The following DNAH7 variants were observed in gnomAD, a reference collection of about 807,000 sequenced individuals.
DNAH7 encodes the protein axonemal beta dynein heavy chain 7.
A neutral mutation model predicts 444.6 loss-of-function variants in DNAH7; 397 were observed. The observed-to-expected ratio is 0.89, with a 90% confidence interval of 0.82 to 0.97. DNAH7 has a LOEUF of 0.97. Among genes scored for constraint, DNAH7 ranks in the 50% least tolerant of loss-of-function variants. DNAH7 has a pLI of 0.00. For synonymous variants in DNAH7, 1,636 were observed against 1,624.4 expected (o/e 1.01, Z -0.17); for missense variants, 4,902 against 4,800.8 (o/e 1.02, Z -0.62).
chr2:195,805,874 C>T (rs1373570480), intron 54 of DNAH7, among the ~76,000 whole-genome samples: 2 of 152,074 alleles, frequency 1.3e-5, no homozygotes, highest in African/African-American at 2.4e-5. Context: ...GGGAAAAATG[C>T]CCCTAACCCA....
At chr2:195,919,247 A>AAG (rs1553562611) in intron 24 of DNAH7, among the ~76,000 whole-genome samples, 1 of 151,920 alleles carries the variant, frequency 6.6e-6, no homozygotes, top group Admixed American at 6.6e-5. Flanking sequence ...AAAAAAAAAA[A>AAG]AAAAAGATGT....
intron 38 of DNAH7, among the ~76,000 whole-genome samples, chr2:195,874,944 G>C (rs1245440725): frequency 6.6e-6 from 1 of 152,178 alleles, no homozygotes; most frequent in Non-Finnish European, 1.5e-5. Flanking sequence ...ATACCGGAGA[G>C]ATTCCCTGAA....
intron 5 of DNAH7, among the ~76,000 whole-genome samples, chr2:196,035,675 T>C (rs974381883): frequency 5.9e-5 from 9 of 152,176 alleles, no homozygotes; most frequent in Non-Finnish European, 1.2e-4. Flanking sequence ...ATGGAAAACT[T>C]AAGATGGCAA....
chr2:196,031,390 A>G (rs1361513788), intron 5 of DNAH7, among the ~76,000 whole-genome samples: 1 of 152,218 alleles, frequency 6.6e-6, no homozygotes, highest in East Asian at 1.9e-4. Flanking sequence ...AAGACCTCTG[A>G]CATGCCCTGG....
At chr2:196,029,861 A>AT (rs145685407) in intron 5 of DNAH7, among the ~76,000 whole-genome samples, 14,419 of 151,748 alleles carry the variant, frequency 0.095, 1,304 homozygotes, top group African/African-American at 0.24. Context: ...AACTATATTT[A>AT]TTTTTTTTTC....
At position 195,955,906 on chromosome 2, in the gene DNAH7, CAT is replaced by C. The variant is rs998040460; in HGVS notation, c.3078+1353_3078+1354del. Among the ~76,000 whole-genome samples the C allele has an allele frequency of 9.9e-5, 15 of 152,056 alleles. 2 individuals carry two copies. The South Asian group carries it at 2.3e-3, about 23-fold the overall frequency. On this transcript the variant is annotated intron_variant, in intron 19 of 64. Transcript: ENST00000312428. ...TATATATAAAAGACTGAATTTATGACATAAATTAATTAGAGATGATTGTGTTA... is the reference window on the plus strand; with the variant it reads ...TATATATAAAAGACTGAATTTATGACAAATTAATTAGAGATGATTGTGTTA...
chr2:196,008,872 A>T (rs1016001389), intron 10 of DNAH7, among the ~76,000 whole-genome samples: 1 of 152,222 alleles, frequency 6.6e-6, no homozygotes, highest in African/African-American at 2.4e-5. Flanking sequence ...GGGACTGGGT[A>T]ATTTATAAAG....
intron 61 of DNAH7, among the ~76,000 whole-genome samples, chr2:195,762,707 C>T (rs1267836008): frequency 6.6e-6 from 1 of 152,130 alleles, no homozygotes; most frequent in Non-Finnish European, 1.5e-5. Flanking sequence ...ATGCACCCAA[C>T]ACTGGAAAAC....
chr2:195,796,460 A>T, intron 56 of DNAH7, 116 bp downstream of exon 56: 1 of 1,235,826 alleles, frequency 8.1e-7, no homozygotes, highest in Non-Finnish European at 1.1e-6. Flanking sequence ...CAATCCAGCC[A>T]AAGCACTAAC....
At position 195,864,904 on chromosome 2, in the gene DNAH7, G is replaced by T; in HGVS notation, c.6751C>A (p.Arg2251Ser). 6.2e-7 allele frequency: 1 copy of T among 1,613,324 alleles called. No individual in the cohort carries two copies. Among genetic ancestry groups the T allele is most frequent in the Non-Finnish European group, 8.5e-7 (1 of 1,180,014 alleles). ...MYEDFHELFQRLDFDNDGMVE... is the reference protein window; with the variant it reads ...MYEDFHELFQSLDFDNDGMVE... ...ATGCCATCATTATCAAAATCCAAAC[G>T]CTGAAAAAGCTCATGAAAATCTTCA... is the stretch of plus-strand genomic sequence containing the variant. Residue 2251 changes from arginine (R) to serine (S), a missense_variant, in exon 41 of 65, where the codon CGT becomes AGT. Arg to Ser is a moderately radical substitution (Grantham distance 110). Transcript: ENST00000312428.
chr2:195,766,191 T>TTTTTTTTTTTTTTTTTTTTTTTTTTA (rs1491573632), intron 61 of DNAH7, among the ~76,000 whole-genome samples: 1 of 136,008 alleles, frequency 7.4e-6, no homozygotes, highest in Non-Finnish European at 1.6e-5. Context: ...TTTTTTTTTT[T>TTTTTTTTTTTTTTTTTTTTTTTTTTA]GAGACAGAGT....
At chr2:195,885,344 G>A (rs1190214186) in intron 34 of DNAH7, among the ~76,000 whole-genome samples, 1 of 152,108 alleles carries the variant, frequency 6.6e-6, no homozygotes, top group East Asian at 1.9e-4. Flanking sequence ...CAGAGTAGAA[G>A]ACAAGACCTA....
chr2:195,881,898 A>G lies in DNAH7; in HGVS notation c.5858T>C (p.Leu1953Pro). 6.2e-7 allele frequency: 1 copy of G among 1,614,064 alleles called. No individual in the cohort carries two copies. The highest frequency in any genetic ancestry group is 8.5e-7 in the Non-Finnish European group (1 of 1,179,934). The stretch of plus-strand genomic sequence containing the variant: ...TAATGCAGAGTATCGAATTGTGTCC[A>G]GAGTTGGCACAATGATTTCATTAAA... ...VMFNEIIVPT[L>P]DTIRYSALME... The change falls in exon 36 of 65, where the codon CTG (leucine) becomes CCG (proline). Residue 1953 changes from leucine (L) to proline (P), a missense_variant. Physicochemically the swap from Leu to Pro is moderately conservative, Grantham distance 98. Transcript: ENST00000312428.
At chr2:196,068,362 A>C (rs1044788884) in intron 1 of DNAH7, 5 of 385,062 alleles carry the variant, frequency 1.3e-5, no homozygotes, top group Admixed American at 9.1e-5. Flanking sequence ...CTTAGAACCC[A>C]AACCCGCTGC....
chr2:195,911,135 T>C (rs991256269), intron 24 of DNAH7, among the ~76,000 whole-genome samples: 5 of 152,176 alleles, frequency 3.3e-5, no homozygotes, highest in African/African-American at 1.2e-4. Flanking sequence ...AGCCTTGCTG[T>C]GGCAAAAGCA....
chr2:195,954,713 T>C (rs1281245246), intron 19 of DNAH7, among the ~76,000 whole-genome samples: 5 of 152,182 alleles, frequency 3.3e-5, no homozygotes, highest in Middle Eastern at 3.2e-3. Flanking sequence ...TTTTAATGAT[T>C]GCCATTCTAA....
At chr2:195,858,096 A>C (rs1192277238) in intron 43 of DNAH7, among the ~76,000 whole-genome samples, 1 of 152,204 alleles carries the variant, frequency 6.6e-6, no homozygotes, top group South Asian at 2.1e-4. Flanking sequence ...ACTTTATCAC[A>C]TGCTCTATAA....
At chr2:195,907,074 A>T in intron 25 of DNAH7, 65 bp from the exon 26 acceptor site, 1 of 1,240,158 alleles carries the variant, frequency 8.1e-7, no homozygotes, top group Non-Finnish European at 1.1e-6. Context: ...GAAATGTTGT[A>T]TTTTCACCTG....
intron 2 of DNAH7, among the ~76,000 whole-genome samples, chr2:196,055,023 C>T (rs1435488386): frequency 6.6e-6 from 1 of 152,194 alleles, no homozygotes; most frequent in African/African-American, 2.4e-5. Context: ...AATGGGAAAA[C>T]TGACTTTAAA....
Sources: gnomAD v4.1 joint callset for allele counts (sites outside exome capture counted in the v4.1 genomes callset) on GRCh38, gnomAD v4.1.1 for gene constraint, MANE v1.5 for transcripts, NCBI Gene and HGNC (gene_info 2026-07-23, HGNC 2026-07-21) for gene names.